Variants in TUBGCP2 observed in about 807,000 individuals in gnomAD.
The protein encoded by TUBGCP2 is tubulin gamma complex component 2.
Under a neutral mutation model 92.2 loss-of-function variants are expected in TUBGCP2, and 55 were observed. The ratio of observed to expected loss-of-function variants is 0.60; its 90% CI spans 0.48 to 0.75. The LOEUF is 0.75. TUBGCP2 is among the 30% of genes least tolerant of loss of function. The probability of loss-of-function intolerance (pLI) is 0.00; values close to 1 mark genes in which losing one functional copy is unlikely to be tolerated. For synonymous variants in TUBGCP2, 533 were observed against 505.2 expected, an observed-to-expected ratio of 1.06 and a Z score of -0.74; for missense variants, 1,093 against 1,188.9, an observed-to-expected ratio of 0.92 and a Z score of 1.19.
upstream of TUBGCP2, chr10:133,310,248 C>A: frequency 6.2e-7 from 1 of 1,614,018 alleles, no homozygotes; most frequent in Non-Finnish European, 8.5e-7. Flanking sequence ...GCACCTGTAC[C>A]CCGCGGACTT....
Position 133,289,794 on chromosome 10 carries a change from C to T in TUBGCP2, c.1360+30G>A, listed in dbSNP as rs373001282. The T allele has an allele frequency of 9.8e-5, 8 of 81,574 alleles. No individual in the cohort carries two copies. In the African/African-American group the frequency reaches 2.4e-3, roughly 24 times the overall value. The allele number at this position is 81,574 out of a possible 1,614,324, so 5.1% of individuals were successfully genotyped here. On this transcript the variant is annotated intron_variant, in intron 9 of 17. Transcript: ENST00000252936. Reference sequence around the variant, plus strand: ...ACTCTCCAGGCAGAGCTGTGCTGCGCACCCCAAGTCCCCGCCCGCTGCGCC... The same window carrying T: ...ACTCTCCAGGCAGAGCTGTGCTGCGTACCCCAAGTCCCCGCCCGCTGCGCC...
At chr10:133,297,665 C>T (rs896602624) in intron 5 of TUBGCP2, among the ~76,000 whole-genome samples, 1 of 152,204 alleles carries the variant, frequency 6.6e-6, no homozygotes, top group Non-Finnish European at 1.5e-5. Flanking sequence ...TGGGGAGGGG[C>T]CTGCTGCAGG....
intron 5 of TUBGCP2, among the ~76,000 whole-genome samples, chr10:133,297,729 T>A (rs1032571144): frequency 1.3e-5 from 2 of 152,260 alleles, no homozygotes; most frequent in African/African-American, 4.8e-5. Flanking sequence ...AGGACCCGGG[T>A]GAGCCGTTCT....
chr10:133,309,953 G>C, upstream of TUBGCP2: 1 of 1,613,252 alleles, frequency 6.2e-7, no homozygotes, highest in Non-Finnish European at 8.5e-7. Context: ...CGCTCTTCCA[G>C]ATCCTGTCTG....
rs1316700850 is a variant in TUBGCP2 at position 133,302,834 on chromosome 10, C to G, written c.108G>C (p.Arg36Ser). 7 of 1,613,548 alleles carry G rather than the reference C, an allele frequency of 4.3e-6. No homozygotes were observed. The highest frequency in any genetic ancestry group is 4.2e-6 in the Non-Finnish European group (5 of 1,180,002). Residue 36 changes from arginine to serine, a missense_variant, in exon 2 of 18, where the codon AGG (arginine) becomes AGC (serine). Transcript: ENST00000252936. ...EVYIDLLQKN[R>S]TPYVTTTVSA... ...AGACAGTGGTAGTGACGTACGGGGT[C>G]CTGTTCTTTTGAAGCAGGTCAATGT... is the stretch of plus-strand genomic sequence containing the variant.
At chr10:133,306,710 C>T (rs939964336) in intron 1 of TUBGCP2, among the ~76,000 whole-genome samples, 4 of 152,072 alleles carry the variant, frequency 2.6e-5, no homozygotes, top group Non-Finnish European at 4.4e-5. Context: ...ATGGCATGAA[C>T]CCGAGAGGCG....
chr10:133,293,587 C>G lies in TUBGCP2; in HGVS notation c.799G>C (p.Ala267Pro), dbSNP rs1006841901. ...RELVHRILPV[A>P]ASYSAVTRFI... ...CTGGTCACAGCGGAGTAGCTGGCGG[C>G]CACTGGGAGGATCCTGTGCACCAGC... The change falls in exon 6 of 18, where the codon GCC (alanine) becomes CCC (proline). Residue 267 changes from alanine (A) to proline (P), a missense_variant. Ala to Pro is a conservative substitution (Grantham distance 27). Coordinates refer to ENST00000252936, the MANE Select transcript of TUBGCP2 (RefSeq NM_006659.4). 6.4e-7 allele frequency: 1 copy of G among 1,554,502 alleles called. No homozygotes were observed. The highest frequency in any genetic ancestry group is 1.4e-5 in the African/African-American group (1 of 73,432).
At chr10:133,294,397 GGCCCCGT>G (rs1326663557) in intron 5 of TUBGCP2, among the ~76,000 whole-genome samples, 1 of 152,146 alleles carries the variant, frequency 6.6e-6, no homozygotes, top group Non-Finnish European at 1.5e-5. Flanking sequence ...GGCCTGACAG[GGCCCCGT>G]GCCAGCCAGA....
intron 1 of TUBGCP2, among the ~76,000 whole-genome samples, chr10:133,307,219 C>T (rs1472766310): frequency 6.6e-6 from 1 of 152,204 alleles, no homozygotes; most frequent in African/African-American, 2.4e-5. Flanking sequence ...ATTAATCACA[C>T]AAACTGACAG....
At position 133,285,036 on chromosome 10, in the gene TUBGCP2, C is replaced by T. The variant is rs768121216; in HGVS notation, c.2024+49G>A. ...GGGCGCTGCACCACTGGGCAGAGTG[C>T]AGCGAGCGCTGCTTCAGGAGGGCAT... On this transcript the variant is annotated intron_variant, in intron 13 of 17. Coordinates refer to ENST00000252936, the MANE Select transcript of TUBGCP2 (RefSeq NM_006659.4). This position sits in a 1 kb window ranked among gnomAD's most constrained non-coding sequence, Gnocchi z 6.8. 2 of 1,556,680 alleles carry T rather than the reference C, an allele frequency of 1.3e-6. No individual in the cohort carries two copies. The highest frequency in any genetic ancestry group is 2.4e-5 in the South Asian group (2 of 83,198).
intron 6 of TUBGCP2, 77 bp downstream of exon 6, chr10:133,293,485 C>T: frequency 1.4e-6 from 2 of 1,478,770 alleles, no homozygotes; most frequent in South Asian, 2.5e-5. Context: ...ATGCAGACGT[C>T]CCCATGGTCA....
Position 133,289,882 on chromosome 10 carries a change from G to A in TUBGCP2, c.1302C>T (p.Ile434=), listed in dbSNP as rs200971349. Residue 434 remains isoleucine, a synonymous_variant, in exon 9 of 18, where the codon ATC becomes ATT. Transcript: ENST00000252936. ...GGAAGGACGGGATCTGCTGCTGGACGATGGTGTACCGCTGGTCCCAGTACT... is the reference window on the plus strand; with the variant it reads ...GGAAGGACGGGATCTGCTGCTGGACAATGGTGTACCGCTGGTCCCAGTACT... ...NDKYWDQRYT[I]VQQQIPSFLQ... The A allele has an allele frequency of 8.1e-5, 130 of 1,600,506 alleles. No individual in the cohort carries two copies. Among genetic ancestry groups the A allele is most frequent in the Admixed American group, 2.0e-4 (12 of 59,060 alleles).
At chr10:133,288,040 T>C (rs901528459) in intron 11 of TUBGCP2, 89 bp downstream of exon 11, 7 of 1,456,200 alleles carry the variant, frequency 4.8e-6, no homozygotes, top group South Asian at 1.4e-5. Context: ...GGACGGGGAG[T>C]GGGGGACAGG....
At position 133,289,853 on chromosome 10, in the gene TUBGCP2, T is replaced by G; in HGVS notation, c.1331A>C (p.Gln444Pro). 1 of 1,065,330 alleles carries G rather than the reference T, an allele frequency of 9.4e-7. No homozygotes were observed. The highest frequency in any genetic ancestry group is 3.2e-5 in the Admixed American group (1 of 31,370). 66.0% of individuals were successfully genotyped at this position (1,065,330 alleles called of 1,614,324 possible). A position where few individuals can be genotyped will look rare whatever the true frequency, so the allele number is the denominator to read the frequency against. Reference protein sequence around the residue: ...IVQQQIPSFLQKMADKILSTG... With the variant: ...IVQQQIPSFLPKMADKILSTG... Reference sequence around the variant, plus strand: ...GCTGAGGATCTTGTCCGCCATTTTCTGCAGGAAGGACGGGATCTGCTGCTG... The same window carrying G: ...GCTGAGGATCTTGTCCGCCATTTTCGGCAGGAAGGACGGGATCTGCTGCTG... The change falls in exon 9 of 18, where the codon CAG becomes CCG. Residue 444 changes from glutamine to proline, a missense_variant. Physicochemically the swap from Gln to Pro is moderately conservative, Grantham distance 76. Around this residue, in one of 3 missense-constraint regions of TUBGCP2, gnomAD observed 598 missense variants for 675.5 expected, o/e 0.89. Transcript: ENST00000252936.
chr10:133,279,767 C>A lies in TUBGCP2; in HGVS notation c.2708G>T (p.Ter903LeuextTer35). The A allele has an allele frequency of 6.4e-7, 1 of 1,556,062 alleles. No individual in the cohort carries two copies. The change falls in exon 18 of 18, where the codon TGA becomes TTA. Residue 903 changes from the stop codon to leucine (L), a stop_lost. Transcript: ENST00000252936. ...CTTCCTTCCTGTCACAGCCAGGGCT[C>A]ACTGTGCGGTGACTGCGACCCTGGG... Reference protein sequence around the residue: ...PAPRVAVTAQ* With the variant: ...PAPRVAVTAQL
intron 2 of TUBGCP2, chr10:133,301,700 CTTTTTTTTTTTTTTT>C (rs71016439): frequency 4.6e-5 from 4 of 87,214 alleles, no homozygotes; most frequent in African/African-American, 2.0e-4. Flanking sequence ...CAGTCCCTCC[CTTTTTTTTTTTTTTT>C]TTTTTTTTTT....
chr10:133,283,789 C>A, intron 14 of TUBGCP2, 93 bp downstream of exon 14: 4 of 1,558,332 alleles, frequency 2.6e-6, no homozygotes, highest in South Asian at 2.4e-5. Context: ...GCACTCCCTG[C>A]CTCTCCCCTC....
chr10:133,308,717 G>A, intron 1 of TUBGCP2, 106 bp downstream of exon 1: 1 of 309,636 alleles, frequency 3.2e-6, no homozygotes, highest in East Asian at 5.2e-5. Context: ...GGGAGCGCGC[G>A]GGAAGAGCCG....
At chr10:133,290,154 G>T in intron 8 of TUBGCP2, 185 bp from the exon 9 acceptor site, 2 of 801,668 alleles carry the variant, frequency 2.5e-6, no homozygotes, top group Non-Finnish European at 3.8e-6. Context: ...GAACCTAGGG[G>T]CCGGGCACGG....
Sources: gnomAD v4.1 joint callset for allele counts (sites outside exome capture counted in the v4.1 genomes callset) on GRCh38, gnomAD v4.1.1 for gene constraint, gnomAD v4.1.1 regional missense constraint, Gnocchi (gnomAD v3.1) non-coding constraint, MANE v1.5 for transcripts, NCBI Gene and HGNC (gene_info 2026-07-23, HGNC 2026-07-21) for gene names.